Variants in REM1 observed in about 807,000 individuals in gnomAD.
REM1 encodes the protein RRAD and GEM like GTPase 1, also known as GTP-binding protein REM 1.
Under a neutral mutation model 27.0 loss-of-function variants are expected in REM1, and 20 were observed. The ratio of observed to expected loss-of-function variants is 0.74; its 90% CI spans 0.52 to 1.08. The LOEUF (loss-of-function observed/expected upper bound fraction) is 1.08. REM1 is among the 50% of genes least tolerant of loss of function. REM1 has a pLI of 0.00. For synonymous variants in REM1, 159 were observed against 167.9 expected (o/e 0.95, Z 0.41); for missense variants, 405 against 407.0 (o/e 1.00, Z 0.04).
chr20:31,484,077 G>A, intron 4 of REM1, 82 bp from the exon 5 acceptor site: 1 of 1,410,424 alleles, frequency 7.1e-7, no homozygotes, highest in Non-Finnish European at 9.3e-7. Context: ...GCTTCCAATC[G>A]AGACTAAACA....
At chr20:31,477,747 C>A in intron 2 of REM1, 81 bp from the exon 3 acceptor site, 1 of 1,034,842 alleles carries the variant, frequency 9.7e-7, no homozygotes, top group Non-Finnish European at 1.5e-6. Context: ...GGCGATATGA[C>A]CAGAAATGGG....
chr20:31,484,393 C>A lies in REM1; in HGVS notation c.860C>A (p.Ala287Asp). Residue 287 changes from alanine (A) to aspartate (D), a missense_variant, in exon 5 of 5, where the codon GCC becomes GAC. Physicochemically the swap from Ala to Asp is moderately radical, Grantham distance 126 (BLOSUM62 -2). Coordinates refer to ENST00000201979, the MANE Select transcript of REM1 (RefSeq NM_014012.6). ...ARSARRRALK[A>D]RSKSCHNLAV... ...AGCGCACGCCGCCGGGCACTCAAGG[C>A]CCGCTCCAAGTCCTGCCACAATCTG... 1 of 1,546,440 alleles carries A rather than the reference C, an allele frequency of 6.5e-7. No homozygotes were observed. The highest frequency in any genetic ancestry group is 2.0e-5 in the Admixed American group (1 of 50,572).
At chr20:31,477,065 G>A (rs138114591) in intron 2 of REM1, among the ~76,000 whole-genome samples, 46 of 152,216 alleles carry the variant, frequency 3.0e-4, no homozygotes, top group South Asian at 1.0e-3. Flanking sequence ...CATGTCATGC[G>A]GGTGGCAATT....
At position 31,482,276 on chromosome 20, in the gene REM1, C is replaced by T. The variant is rs1980756430; in HGVS notation, c.424-11C>T. On this transcript the variant is annotated splice_polypyrimidine_tract_variant and intron_variant, in intron 3 of 4. Transcript: ENST00000201979. Reference sequence around the variant, plus strand: ...CCCTCTGAGGATGGGTCTTGGGTCCCTCTCCTGCAGGATAAAAGCTGGAGC... The same window carrying T: ...CCCTCTGAGGATGGGTCTTGGGTCCTTCTCCTGCAGGATAAAAGCTGGAGC... The T allele has an allele frequency of 4.3e-6, 7 of 1,613,846 alleles. No individual in the cohort carries two copies. In the East Asian group the frequency reaches 1.3e-4, roughly 31 times the overall value.
chr20:31,476,870 G>A (rs1980532714), intron 2 of REM1, 85 bp downstream of exon 2: 3 of 1,154,154 alleles, frequency 2.6e-6, no homozygotes, highest in Non-Finnish European at 3.6e-6. Context: ...AAGAACAGTT[G>A]TACAAGTCAT....
intron 4 of REM1, 79 bp from the exon 5 acceptor site, chr20:31,484,067 GCTTCCAATCGAGA>G: frequency 7.3e-7 from 1 of 1,371,918 alleles, no homozygotes; most frequent in Non-Finnish European, 9.6e-7. Context: ...AGGAAAAATT[GCTTCCAATCGAGA>G]CTAAACACAT....
intron 4 of REM1, 104 bp downstream of exon 4, chr20:31,482,592 A>T: frequency 8.6e-7 from 1 of 1,156,678 alleles, no homozygotes; most frequent in Non-Finnish European, 1.2e-6. Flanking sequence ...AGCTGCCCCT[A>T]CCCTGCAGCC....
At position 31,477,792 on chromosome 20, in the gene REM1, G is replaced by A. The variant is rs141749755; in HGVS notation, c.341-36G>A. 8,427 of 1,560,712 alleles carry A rather than the reference G, an allele frequency of 5.4e-3. 27 individuals carry two copies. The highest frequency in any genetic ancestry group is 6.3e-3 in the Non-Finnish European group (7,137 of 1,137,552). ...ACACCACACTCTCTCAGGCTTGCCC[G>A]TCCTCCCTGAGATCCAGCTCTTCCC... On this transcript the variant is annotated intron_variant, in intron 2 of 4. Coordinates refer to ENST00000201979, the MANE Select transcript of REM1 (RefSeq NM_014012.6).
At position 31,484,332 on chromosome 20, in the gene REM1, C is replaced by G; in HGVS notation, c.799C>G (p.Arg267Gly). ...CCGACGGCCGGCCAGCCTAGCCCAG[C>G]GCGCTCGTCGCTTCCTGGCACGCCT... ...APRRPASLAQ[R>G]ARRFLARLTA... Residue 267 changes from arginine to glycine, a missense_variant, in exon 5 of 5, where the codon CGC becomes GGC. Coordinates refer to ENST00000201979, the MANE Select transcript of REM1 (RefSeq NM_014012.6). 1 of 1,566,518 alleles carries G rather than the reference C, an allele frequency of 6.4e-7. No individual in the cohort carries two copies. The highest frequency in any genetic ancestry group is 8.6e-7 in the Non-Finnish European group (1 of 1,156,738).
In REM1 at chr20:31,482,390, G is replaced by A. The variant is rs369078506; in HGVS notation, c.527G>A (p.Arg176His). 34 of 1,614,004 alleles carry A rather than the reference G, an allele frequency of 2.1e-5. No homozygotes were observed. The highest frequency in any genetic ancestry group is 4.0e-5 in the African/African-American group (3 of 74,920). ...RGSFESASEL[R>H]IQLRRTHQAD... Reference sequence around the variant, plus strand: ...AGCTTTGAGAGTGCCTCTGAGCTCCGCATCCAGCTGCGGCGCACACATCAG... The same window carrying A: ...AGCTTTGAGAGTGCCTCTGAGCTCCACATCCAGCTGCGGCGCACACATCAG... The change falls in exon 4 of 5, where the codon CGC becomes CAC. Residue 176 changes from arginine (R) to histidine (H), a missense_variant. Physicochemically the swap from Arg to His is conservative, Grantham distance 29. Coordinates refer to ENST00000201979, the MANE Select transcript of REM1 (RefSeq NM_014012.6).
intron 2 of REM1, 89 bp from the exon 3 acceptor site, chr20:31,477,739 C>T (rs532830841): frequency 1.2e-5 from 11 of 904,674 alleles, no homozygotes; most frequent in Admixed American, 1.0e-4. Context: ...GTGGAGGGGG[C>T]GATATGACCA....
chr20:31,479,949 T>C (rs1367995348), intron 3 of REM1, among the ~76,000 whole-genome samples: 1 of 151,928 alleles, frequency 6.6e-6, no homozygotes, highest in Non-Finnish European at 1.5e-5. Context: ...ATTAGCCAGG[T>C]GTGGTGGTGC....
chr20:31,476,634 A>G lies in REM1; in HGVS notation c.189A>G (p.Pro63=), dbSNP rs370806930. ...NPPTQKPSPA[P]DDWSSESSDS... is the part of the protein sequence containing the mutation. ...CCACCCAGAAACCTTCACCTGCCCC[A>G]GATGATTGGTCTTCTGAATCCAGCG... Residue 63 remains proline, a synonymous_variant, in exon 2 of 5, where the codon CCA becomes CCG. Coordinates refer to ENST00000201979, the MANE Select transcript of REM1 (RefSeq NM_014012.6). 4.5e-5 allele frequency: 72 copies of G among 1,613,918 alleles called. 1 individual carries two copies. The highest frequency in any genetic ancestry group is 5.4e-5 in the Non-Finnish European group (64 of 1,180,016).
chr20:31,484,790 C>CG lies in REM1; in HGVS notation c.*360_*361insG. 1 of 240,292 alleles carries CG rather than the reference C, an allele frequency of 4.2e-6. No homozygotes were observed. The highest frequency in any genetic ancestry group is 1.2e-4 in the South Asian group (1 of 8,460). The allele number at this position is 240,292 out of a possible 1,614,324, so 14.9% of individuals were successfully genotyped here. A position where few individuals can be genotyped will look rare whatever the true frequency, so the allele number is the denominator to read the frequency against. On this transcript the variant is annotated 3_prime_UTR_variant, in exon 5 of 5. Coordinates refer to ENST00000201979, the MANE Select transcript of REM1 (RefSeq NM_014012.6). ...ATGCCCAGACCTCTCCATCTCGGCT[C>CG]TTCCAGGCGTCTCCACCTACTGCCC...
Position 31,478,560 on chromosome 20 carries a change from G to C in REM1, c.423+650G>C, listed in dbSNP as rs1292849109. 2.0e-5 allele frequency among the ~76,000 whole-genome samples: 3 copies of C among 152,260 alleles called. No individual in the cohort carries two copies. In the East Asian group the frequency reaches 5.8e-4, roughly 29 times the overall value. On this transcript the variant is annotated intron_variant, in intron 3 of 4. Transcript: ENST00000201979. ...CCTATTATGATTTTATCTGGTTTGT[G>C]TTTTCTTTTCTTTTGCTACATGGGT...
At chr20:31,479,915 C>T (rs1980655966) in intron 3 of REM1, among the ~76,000 whole-genome samples, 1 of 152,020 alleles carries the variant, frequency 6.6e-6, no homozygotes, top group Non-Finnish European at 1.5e-5. Context: ...CATGGAGAAA[C>T]CCCATCTCTA....
Position 31,484,182 on chromosome 20 carries a change from T to G in REM1, c.649T>G (p.Phe217Val). ...VEEGRACAVV[F>V]DCKFIETSAT... ...AGAGGGCCGCGCCTGCGCTGTGGTG[T>G]TCGACTGTAAATTCATCGAGACATC... Residue 217 changes from phenylalanine (F) to valine (V), a missense_variant, in exon 5 of 5, where the codon TTC (phenylalanine) becomes GTC (valine). Phe to Val is a conservative substitution (Grantham distance 50, BLOSUM62 -1). Coordinates refer to ENST00000201979, the MANE Select transcript of REM1 (RefSeq NM_014012.6). The G allele has an allele frequency of 2.5e-6, 4 of 1,603,888 alleles. No individual in the cohort carries two copies. Among genetic ancestry groups the G allele is most frequent in the South Asian group, 1.1e-5 (1 of 89,854 alleles).
Position 31,475,396 on chromosome 20 carries a change from TGCTCAAGTTGGAGCAGAGTTC to T in REM1, c.-220+33_-220+53del, listed in dbSNP as rs1980456961. 1 of 152,402 alleles carries T rather than the reference TGCTCAAGTTGGAGCAGAGTTC, an allele frequency of 6.6e-6. No individual in the cohort carries two copies. The highest frequency in any genetic ancestry group is 6.5e-5 in the Admixed American group (1 of 15,296). 9.4% of individuals were successfully genotyped at this position (152,402 alleles called of 1,614,324 possible). On this transcript the variant is annotated intron_variant, in intron 1 of 4. Coordinates refer to ENST00000201979, the MANE Select transcript of REM1 (RefSeq NM_014012.6). The surrounding 1 kb of genome is among the most constrained non-coding windows in gnomAD (Gnocchi z 5.0). ...AGCCCTGCGCTACGCGCCGCCAACT[TGCTCAAGTTGGAGCAGAGTTC>T]GCCAGGCGATTGAAGGGGGATTCGG...
At chr20:31,477,402 A>G (rs964319990) in intron 2 of REM1, among the ~76,000 whole-genome samples, 4 of 152,122 alleles carry the variant, frequency 2.6e-5, no homozygotes, top group African/African-American at 9.7e-5. Flanking sequence ...GGGTTGATTA[A>G]ATGCAGAGAA....
Sources: gnomAD v4.1 joint callset for allele counts (sites outside exome capture counted in the v4.1 genomes callset) on GRCh38, gnomAD v4.1.1 for gene constraint, Gnocchi (gnomAD v3.1) non-coding constraint, MANE v1.5 for transcripts, NCBI Gene and HGNC (gene_info 2026-07-23, HGNC 2026-07-21) for gene names.